Variants in VAV3 observed in about 807,000 individuals in gnomAD.
The protein encoded by VAV3 is vav guanine nucleotide exchange factor 3, also known as guanine nucleotide exchange factor VAV3.
Under a neutral mutation model 131.2 loss-of-function variants are expected in VAV3, and 94 were observed. The observed-to-expected ratio is 0.72, with a 90% confidence interval of 0.61 to 0.85. The LOEUF is 0.85. Among genes scored for constraint, VAV3 ranks in the 40% least tolerant of loss-of-function variants. The pLI is 0.00. For synonymous variants in VAV3, 349 were observed against 342.0 expected (o/e 1.02, Z -0.22); for missense variants, 939 against 1,002.7 (o/e 0.94, Z 0.86).
chr1:107,796,623 CTGTT>C (rs1457900942), intron 2 of VAV3, among the ~76,000 whole-genome samples: 3 of 151,814 alleles, frequency 2.0e-5, no homozygotes, highest in South Asian at 4.1e-4. Context: ...ATATATGAAT[CTGTT>C]TGGGGCCTAA....
At chr1:107,741,904 C>A (rs1663045355) in intron 15 of VAV3, among the ~76,000 whole-genome samples, 1 of 152,176 alleles carries the variant, frequency 6.6e-6, no homozygotes, top group Non-Finnish European at 1.5e-5. Context: ...ATTGCCCATC[C>A]TGCTTGGTTC....
At chr1:107,632,222 C>T (rs937879249) in intron 20 of VAV3, among the ~76,000 whole-genome samples, 3 of 152,148 alleles carry the variant, frequency 2.0e-5, no homozygotes, top group African/African-American at 4.8e-5. Flanking sequence ...CAATGGCTCA[C>T]ATTAGATTCA....
intron 2 of VAV3, among the ~76,000 whole-genome samples, chr1:107,794,651 C>T (rs182139446): frequency 6.6e-6 from 1 of 152,222 alleles, no homozygotes; most frequent in East Asian, 1.9e-4. Context: ...TACTTGTGGC[C>T]TTAAAATCCT....
At chr1:107,956,051 G>A (rs1674793785) in intron 1 of VAV3, among the ~76,000 whole-genome samples, 1 of 152,258 alleles carries the variant, frequency 6.6e-6, no homozygotes, top group Admixed American at 6.5e-5. Flanking sequence ...AACTGATGAT[G>A]CAGAAGAGCA....
At chr1:107,888,952 T>C (rs1671174283) in intron 1 of VAV3, among the ~76,000 whole-genome samples, 1 of 152,136 alleles carries the variant, frequency 6.6e-6, no homozygotes, top group African/African-American at 2.4e-5. Flanking sequence ...CATTTTACAA[T>C]CGGCGGCTTA....
At chr1:107,733,462 G>A (rs1354061928) in intron 15 of VAV3, among the ~76,000 whole-genome samples, 1 of 152,138 alleles carries the variant, frequency 6.6e-6, no homozygotes, top group Non-Finnish European at 1.5e-5. Context: ...GAGGATGTTC[G>A]AACTCATCTC....
At chr1:107,833,581 T>C (rs1668352111) in intron 2 of VAV3, among the ~76,000 whole-genome samples, 1 of 152,242 alleles carries the variant, frequency 6.6e-6, no homozygotes, top group Admixed American at 6.5e-5. Context: ...TTTACTTATG[T>C]ATGTCTATAC....
rs1238575081 is a variant in VAV3, at chr1:107,571,802, A to G, written c.*1529T>C. On this transcript the variant is annotated 3_prime_UTR_variant, in exon 27 of 27. Coordinates refer to ENST00000370056, the MANE Select transcript of VAV3 (RefSeq NM_006113.5). The stretch of plus-strand genomic sequence containing the variant: ...GAGGTAAAGGTCTTGAATCTATCCT[A>G]GATGAAAAGTCCTAGCCCATGAGGG... 1 of 152,660 alleles carries G rather than the reference A, an allele frequency of 6.6e-6. No homozygotes were observed. The highest frequency in any genetic ancestry group is 6.5e-5 in the Admixed American group (1 of 15,288). 9.5% of individuals were successfully genotyped at this position (152,660 alleles called of 1,614,324 possible). A position where few individuals can be genotyped will look rare whatever the true frequency, so the allele number is the denominator to read the frequency against.
chr1:107,814,230 G>C (rs1359650590), intron 2 of VAV3, among the ~76,000 whole-genome samples: 2 of 152,018 alleles, frequency 1.3e-5, no homozygotes, highest in Non-Finnish European at 2.9e-5. Context: ...TCTTCATACT[G>C]TTCTCCATAA....
At chr1:107,824,393 C>T (rs1004134763) in intron 2 of VAV3, among the ~76,000 whole-genome samples, 1 of 152,174 alleles carries the variant, frequency 6.6e-6, no homozygotes, top group African/African-American at 2.4e-5. Context: ...ACTATTAACA[C>T]ATGTGTATAT....
intron 1 of VAV3, among the ~76,000 whole-genome samples, chr1:107,957,802 T>C (rs1674888354): frequency 6.6e-6 from 1 of 152,016 alleles, no homozygotes; most frequent in South Asian, 2.1e-4. Context: ...CCACTGTATT[T>C]GAAAATTAGA....
At chr1:107,590,849 G>A (rs900619183) in intron 25 of VAV3, among the ~76,000 whole-genome samples, 4 of 151,978 alleles carry the variant, frequency 2.6e-5, no homozygotes, top group African/African-American at 7.3e-5. Flanking sequence ...TCCCTCTCAC[G>A]GACATCTGCA....
intron 1 of VAV3, among the ~76,000 whole-genome samples, chr1:107,928,233 C>A (rs1455889905): frequency 1.3e-5 from 2 of 152,064 alleles, no homozygotes; most frequent in African/African-American, 2.4e-5. Flanking sequence ...AATGCAGATA[C>A]AGCCTAGATC....
chr1:107,869,236 G>T (rs1329423609), intron 2 of VAV3, among the ~76,000 whole-genome samples: 2 of 152,092 alleles, frequency 1.3e-5, no homozygotes, highest in African/African-American at 4.8e-5. Flanking sequence ...TCTCAAAGGA[G>T]ATCCAAGGCC....
chr1:107,761,029 T>C, intron 9 of VAV3, 150 bp from the exon 10 acceptor site: 1 of 508,542 alleles, frequency 2.0e-6, no homozygotes, highest in Non-Finnish European at 3.6e-6. Context: ...ATCTTCAATT[T>C]AAAAAAACAA....
rs959405702 is a variant in VAV3, at chr1:107,657,083, T to C, written c.1778-14328A>G. On this transcript the variant is annotated intron_variant, in intron 19 of 26. Coordinates refer to ENST00000370056, the MANE Select transcript of VAV3 (RefSeq NM_006113.5). ...AATTGTCCTGTCTCAGCCTCCGAAG[T>C]AGCTGGGATTACGGGCATGCACCAC... is the stretch of plus-strand genomic sequence containing the variant. Among the ~76,000 whole-genome samples the C allele has an allele frequency of 2.0e-5, 3 of 151,586 alleles. No homozygotes were observed. In the East Asian group the frequency reaches 5.9e-4, roughly 30 times the overall value.
intron 1 of VAV3, among the ~76,000 whole-genome samples, chr1:107,888,360 C>A (rs1671141283): frequency 6.6e-6 from 1 of 152,176 alleles, no homozygotes; most frequent in Non-Finnish European, 1.5e-5. Context: ...GACTAGGCAA[C>A]CTACTCTCCC....
At chr1:107,747,357 A>AT (rs1264905600) in intron 15 of VAV3, among the ~76,000 whole-genome samples, 1 of 152,120 alleles carries the variant, frequency 6.6e-6, no homozygotes, top group Admixed American at 6.5e-5. Flanking sequence ...AACGAAACCC[A>AT]TAAAAAAAAA....
At chr1:107,671,298 C>T (rs539814336) in intron 19 of VAV3, among the ~76,000 whole-genome samples, 9 of 152,286 alleles carry the variant, frequency 5.9e-5, no homozygotes, top group East Asian at 5.8e-4. Flanking sequence ...TCCAGAAGCA[C>T]GTTCTGTGAA....
Sources: allele counts gnomAD v4.1 joint callset (sites outside exome capture counted in the v4.1 genomes callset), GRCh38; gene constraint gnomAD v4.1.1; transcripts MANE v1.5; gene names NCBI Gene and HGNC (gene_info 2026-07-23, HGNC 2026-07-21).